The following SLC9B1 variants were observed in gnomAD, a reference collection of about 807,000 sequenced individuals.
SLC9B1 encodes the protein sodium/hydrogen exchanger 9B1.
In SLC9B1, 32 loss-of-function variants were observed where a neutral mutation model predicts 51.7. That is an observed-to-expected ratio of 0.62 (90% CI 0.47 to 0.83). SLC9B1 has a LOEUF of 0.83. SLC9B1 is among the 40% of genes least tolerant of loss of function. SLC9B1 has a pLI of 0.00. For synonymous variants in SLC9B1, 145 were observed against 212.7 expected, an observed-to-expected ratio of 0.68 and a Z score of 2.77; for missense variants, 406 against 613.2, an observed-to-expected ratio of 0.66 and a Z score of 3.57.
chr4:102,904,338 G>C lies in SLC9B1; in HGVS notation c.1332+1176C>G, dbSNP rs113355869. Among the ~76,000 whole-genome samples the C allele has an allele frequency of 1.8e-3, 273 of 151,996 alleles. 5 individuals carry two copies. The highest frequency in any genetic ancestry group is 6.4e-3 in the African/African-American group (266 of 41,464). On this transcript the variant is annotated intron_variant, in intron 11 of 11. Coordinates refer to ENST00000296422, the MANE Select transcript of SLC9B1 (RefSeq NM_139173.4). Reference sequence around the variant, plus strand: ...GCCTCCCGAAGTGCTAGGATTCCAGGCATGAGCTACCATGCCTGGCCTGTG... The same window carrying C: ...GCCTCCCGAAGTGCTAGGATTCCAGCCATGAGCTACCATGCCTGGCCTGTG...
At chr4:102,885,156 C>G in exon 12 of SLC9B1, 1 of 1,281,322 alleles carries the variant, frequency 7.8e-7, no homozygotes, top group Non-Finnish European at 1.1e-6. Context: ...TGAAACTAGA[C>G]ATGCTATTTT....
rs1439697330 is a variant in SLC9B1, at chr4:102,991,664, G to A, written c.48C>T (p.Phe16=). Residue 16 remains phenylalanine, a synonymous_variant, in exon 2 of 12, where the codon TTC becomes TTT. Coordinates refer to ENST00000296422, the MANE Select transcript of SLC9B1 (RefSeq NM_139173.4). ...TTACCTGAGGAGTTGTAGATGTTTG[G>A]AAGTTTTCATCCTCCAAATGTTCAT... The part of the protein sequence containing the change: ...SKNEHLEDEN[F]QTSTTPQSLI... The A allele has an allele frequency of 3.8e-6, 6 of 1,588,830 alleles. No homozygotes were observed. Among genetic ancestry groups the A allele is most frequent in the Non-Finnish European group, 5.1e-6 (6 of 1,165,838 alleles).
chr4:102,946,731 A>G lies in SLC9B1; in HGVS notation c.441T>C (p.His147=), dbSNP rs192345953. The part of the protein sequence containing the change: ...RNVPFINEHV[H]VPNTWSSILR... ...AAATTGAAGACCATGTGTTAGGAACATGGACATGTTCATTGATGAATGGAA... is the reference window on the plus strand; with the variant it reads ...AAATTGAAGACCATGTGTTAGGAACGTGGACATGTTCATTGATGAATGGAA... Residue 147 remains histidine, a synonymous_variant, in exon 5 of 12, where the codon CAT becomes CAC. Coordinates refer to ENST00000296422, the MANE Select transcript of SLC9B1 (RefSeq NM_139173.4). 5 of 1,610,416 alleles carry G rather than the reference A, an allele frequency of 3.1e-6. No homozygotes were observed. In the African/African-American group the frequency reaches 4.0e-5, roughly 13 times the overall value.
Position 102,951,960 on chromosome 4 carries a change from C to CTTTTTTTTTTTTTTT in SLC9B1, c.212-2548_212-2534dup, listed in dbSNP as rs765709645. Among the ~76,000 whole-genome samples the CTTTTTTTTTTTTTTT allele has an allele frequency of 1.2e-3, 8 of 6,550 alleles. 2 individuals carry two copies. The highest frequency in any genetic ancestry group is 1.9e-3 in the Non-Finnish European group (6 of 3,216). The allele number at this position is 6,550 out of a possible 152,430, so 4.3% of individuals were successfully genotyped here. A position where few individuals can be genotyped will look rare whatever the true frequency, so the allele number is the denominator to read the frequency against. On this transcript the variant is annotated intron_variant, in intron 3 of 11. Transcript: ENST00000296422. Reference sequence around the variant, plus strand: ...AGACTACCAAAGGCAAAAATAAAATCTTTTTTTTTTTTTTTTTTTTATTAT... The same window carrying CTTTTTTTTTTTTTTT: ...AGACTACCAAAGGCAAAAATAAAATCTTTTTTTTTTTTTTTTTTTTTTTTTTTTTTTTTTTATTAT...
intron 4 of SLC9B1, among the ~76,000 whole-genome samples, chr4:102,947,955 G>T (rs893500742): frequency 1.3e-5 from 2 of 152,180 alleles, no homozygotes; most frequent in African/African-American, 2.4e-5. Context: ...TTAATTTTTG[G>T]TGAATCCATG....
intron 1 of SLC9B1, among the ~76,000 whole-genome samples, chr4:102,999,270 C>T (rs72937485): frequency 0.011 from 1,696 of 152,200 alleles, 21 homozygotes; most frequent in African/African-American, 0.037. Context: ...TTGATAGTGT[C>T]CTTTGTTGCA....
intron 11 of SLC9B1, chr4:102,885,567 T>C: frequency 1.4e-6 from 1 of 723,148 alleles, no homozygotes; most frequent in South Asian, 1.6e-5. Flanking sequence ...TATTCCTAAA[T>C]TGAAGTTTTC....
chr4:102,893,834 G>T (rs1161108441), intron 11 of SLC9B1, among the ~76,000 whole-genome samples: 1 of 152,118 alleles, frequency 6.6e-6, no homozygotes, highest in African/African-American at 2.4e-5. Flanking sequence ...GGCAGAGGTT[G>T]CAGTGAGCCG....
intron 5 of SLC9B1, among the ~76,000 whole-genome samples, chr4:102,945,616 TATA>T (rs1737229065): frequency 6.6e-6 from 1 of 152,104 alleles, no homozygotes; most frequent in African/African-American, 2.4e-5. Flanking sequence ...TAATAAATAG[TATA>T]ATAATAGTGT....
At chr4:102,993,053 T>G (rs533308550) in intron 1 of SLC9B1, among the ~76,000 whole-genome samples, 19 of 150,472 alleles carry the variant, frequency 1.3e-4, no homozygotes, top group African/African-American at 4.4e-4. Flanking sequence ...AAGGTGAGAT[T>G]TGGGTGGGGA....
At chr4:102,918,378 A>G (rs1385751313) in intron 7 of SLC9B1, among the ~76,000 whole-genome samples, 1 of 152,222 alleles carries the variant, frequency 6.6e-6, no homozygotes, top group African/African-American at 2.4e-5. Context: ...TAATAGACCT[A>G]TAACTAGTAA....
intron 1 of SLC9B1, among the ~76,000 whole-genome samples, chr4:103,013,258 T>C (rs1350823217): frequency 6.6e-6 from 1 of 152,250 alleles, no homozygotes; most frequent in Non-Finnish European, 1.5e-5. Context: ...ATCTTCCCAC[T>C]GAACCTCTTT....
At chr4:102,972,902 A>T (rs1264195963) in intron 3 of SLC9B1, among the ~76,000 whole-genome samples, 5 of 152,178 alleles carry the variant, frequency 3.3e-5, no homozygotes, top group African/African-American at 7.2e-5. Context: ...TTAATTTTAA[A>T]ATTAATTTTT....
intron 3 of SLC9B1, among the ~76,000 whole-genome samples, chr4:102,974,240 T>C (rs916565053): frequency 1.3e-5 from 1 of 76,274 alleles, no homozygotes; most frequent in Middle Eastern, 0.012. Flanking sequence ...CTGTCTAAAA[T>C]TGAAAAAAAA....
intron 3 of SLC9B1, among the ~76,000 whole-genome samples, chr4:102,974,241 TGAA>T (rs1738925209): frequency 6.0e-5 from 1 of 16,758 alleles, no homozygotes; most frequent in African/African-American, 1.8e-4. Flanking sequence ...TGTCTAAAAT[TGAA>T]AAAAAAAAAA....
At chr4:102,909,386 T>A (rs1735224291) in intron 9 of SLC9B1, among the ~76,000 whole-genome samples, 1 of 152,080 alleles carries the variant, frequency 6.6e-6, no homozygotes, top group Non-Finnish European at 1.5e-5. Context: ...GAGTATCACC[T>A]GAGGTCAGGA....
At chr4:102,925,062 C>T (rs184206827) in intron 7 of SLC9B1, among the ~76,000 whole-genome samples, 1 of 152,114 alleles carries the variant, frequency 6.6e-6, no homozygotes, top group Non-Finnish European at 1.5e-5. Flanking sequence ...TGGTCATATA[C>T]CCAAAGGATT....
chr4:102,885,513 TTAAGA>T (rs1475485232), intron 11 of SLC9B1: 5 of 1,053,868 alleles, frequency 4.7e-6, no homozygotes, highest in Middle Eastern at 2.7e-4. Flanking sequence ...TTGAAGTTCT[TTAAGA>T]TGAGAGAATT....
chr4:102,942,300 C>A (rs1737044525), intron 6 of SLC9B1, among the ~76,000 whole-genome samples: 1 of 152,106 alleles, frequency 6.6e-6, no homozygotes, highest in Admixed American at 6.5e-5. Context: ...TCTACATCAT[C>A]ATTCTTCCCT....
Sources: gnomAD v4.1 joint callset for allele counts (sites outside exome capture counted in the v4.1 genomes callset) on GRCh38, gnomAD v4.1.1 for gene constraint, MANE v1.5 for transcripts, NCBI Gene and HGNC (gene_info 2026-07-23, HGNC 2026-07-21) for gene names.